Variants in REPS2 observed in about 807,000 individuals in gnomAD.
REPS2 encodes the protein RALBP1 associated Eps domain containing 2.
A neutral mutation model predicts 53.6 loss-of-function variants in REPS2; 23 were observed. The observed-to-expected ratio is 0.43, with a 90% CI of 0.31 to 0.61. REPS2 has a LOEUF of 0.61. Ranked by LOEUF, REPS2 falls within the 20% of genes least tolerant of loss-of-function variation. The probability of loss-of-function intolerance (pLI) is 0.11; values close to 1 mark genes in which losing one functional copy is unlikely to be tolerated. For missense variants in REPS2, 446 were observed against 534.9 expected, an observed-to-expected ratio of 0.83 and a Z score of 1.64; for synonymous variants, 238 against 218.6, an observed-to-expected ratio of 1.09 and a Z score of -0.78.
downstream of REPS2, among the ~76,000 whole-genome samples, chrX:17,155,748 T>C (rs113391507): frequency 0.025 from 2,804 of 112,021 alleles, 92 homozygotes; most frequent in African/African-American, 0.088. Flanking sequence ...TAATTTGTTA[T>C]ATATCTTCTG....
chrX:16,983,491 A>ATTTTG (rs755219921), intron 1 of REPS2, among the ~76,000 whole-genome samples: 221 of 111,703 alleles, frequency 2.0e-3, no homozygotes, highest in Middle Eastern at 0.018. Context: ...CCTTACCTCC[A>ATTTTG]TTTTGTTTTG....
intron 1 of REPS2, among the ~76,000 whole-genome samples, chrX:16,978,333 T>C (rs1232430110): frequency 1.8e-5 from 2 of 111,771 alleles, no homozygotes; most frequent in Admixed American, 9.5e-5. Context: ...TTCCCGGCCA[T>C]CTGGCATGAG....
chrX:17,000,289 C>T (rs1185772630), intron 1 of REPS2, among the ~76,000 whole-genome samples: 1 of 110,881 alleles, frequency 9.0e-6, no homozygotes, highest in Non-Finnish European at 1.9e-5. Context: ...TGGAAGTGTT[C>T]ACTATTTTTT....
At chrX:17,104,142 G>A (rs1042086576) in intron 14 of REPS2, among the ~76,000 whole-genome samples, 1 of 111,542 alleles carries the variant, frequency 9.0e-6, no homozygotes, top group Non-Finnish European at 1.9e-5. Context: ...CTATATTTTC[G>A]TCAGTACTTT....
chrX:17,132,713 C>G (rs1195234242), intron 14 of REPS2, among the ~76,000 whole-genome samples: 1 of 111,217 alleles, frequency 9.0e-6, no homozygotes, highest in Non-Finnish European at 1.9e-5. Flanking sequence ...AGTTTTTGTA[C>G]TTTTAGTAGA....
intron 1 of REPS2, among the ~76,000 whole-genome samples, chrX:17,005,127 A>G (rs953147727): frequency 1.8e-5 from 2 of 111,548 alleles, no homozygotes; most frequent in African/African-American, 6.5e-5. Context: ...GTATATATTC[A>G]CAATAAGGGC....
At chrX:17,139,005 G>T (rs1398265902) in intron 17 of REPS2, 44 bp downstream of exon 17, 1 of 914,027 alleles carries the variant, frequency 1.1e-6, no homozygotes. Flanking sequence ...CTTTTCCCTG[G>T]CTTTTAAAAA....
At chrX:17,061,567 C>G (rs1435778407) in intron 8 of REPS2, among the ~76,000 whole-genome samples, 1 of 112,872 alleles carries the variant, frequency 8.9e-6, no homozygotes, top group Non-Finnish European at 1.9e-5. Context: ...TTAAACCTTG[C>G]ATTACAATTT....
At chrX:17,022,440 CAT>C in intron 3 of REPS2, 169 bp downstream of exon 3, 1 of 390,341 alleles carries the variant, frequency 2.6e-6, no homozygotes, top group Non-Finnish European at 4.4e-6. Flanking sequence ...GAGACCGACA[CAT>C]ATGAATCACC....
At chrX:17,106,002 C>A (rs1211645691) in intron 14 of REPS2, among the ~76,000 whole-genome samples, 2 of 111,868 alleles carry the variant, frequency 1.8e-5, no homozygotes, top group African/African-American at 6.5e-5. Context: ...CTCTACCCCT[C>A]TGGGAGAGTC....
chrX:16,991,952 C>T lies in REPS2; in HGVS notation c.274-14269C>T, dbSNP rs372416151. Among the ~76,000 whole-genome samples, 11 of 111,322 alleles carry T rather than the reference C, an allele frequency of 9.9e-5. No individual in the cohort carries two copies. In the East Asian group the frequency reaches 2.2e-3, roughly 23 times the overall value. ...ACCTTGGTTTTGGACTTCCAGTCTC[C>T]AGAACCATGGGATAATAAATACATT... On this transcript the variant is annotated intron_variant, in intron 1 of 17. Coordinates refer to ENST00000357277, the MANE Select transcript of REPS2 (RefSeq NM_004726.3).
intron 1 of REPS2, among the ~76,000 whole-genome samples, chrX:16,979,040 G>A (rs182455525): frequency 7.5e-4 from 84 of 111,936 alleles, no homozygotes; most frequent in Non-Finnish European, 2.3e-4. Flanking sequence ...GGAAATTTCC[G>A]ATAGGCTTTA....
At chrX:17,098,379 A>G (rs950835886) in intron 13 of REPS2, among the ~76,000 whole-genome samples, 3 of 112,048 alleles carry the variant, frequency 2.7e-5, no homozygotes, top group Non-Finnish European at 5.6e-5. Context: ...ATAATAATCT[A>G]TTTTTTTCAG....
intron 3 of REPS2, among the ~76,000 whole-genome samples, chrX:17,024,651 C>T (rs781084415): frequency 4.1e-4 from 45 of 110,170 alleles, no homozygotes; most frequent in Non-Finnish European, 7.6e-4. Flanking sequence ...TTAATATTCA[C>T]ATTTGCTGGA....
At chrX:17,008,029 T>C (rs1387467797) in intron 2 of REPS2, among the ~76,000 whole-genome samples, 1 of 112,580 alleles carries the variant, frequency 8.9e-6, no homozygotes, top group Non-Finnish European at 1.9e-5. Flanking sequence ...TTATACAATA[T>C]TTTCTGAATG....
chrX:17,016,425 A>T (rs1432476931), intron 2 of REPS2, among the ~76,000 whole-genome samples: 1 of 112,015 alleles, frequency 8.9e-6, no homozygotes, highest in Non-Finnish European at 1.9e-5. Flanking sequence ...TTTATTTTTG[A>T]GACAGAGTCT....
Position 17,109,201 on chromosome X carries a change from G to A in REPS2, c.1578+5422G>A, listed in dbSNP as rs377026298. On this transcript the variant is annotated intron_variant, in intron 14 of 17. Coordinates refer to ENST00000357277, the MANE Select transcript of REPS2 (RefSeq NM_004726.3). ...TTCTGTCTGGGGAGCAGAAACTGAC[G>A]GGAGGACAGGGTTTTAGCCTAGTGG... Among the ~76,000 whole-genome samples, 9 of 110,863 alleles carry A rather than the reference G, an allele frequency of 8.1e-5. No homozygotes were observed. The East Asian group carries it at 2.0e-3, about 24-fold the overall frequency.
the REPS2 span, among the ~76,000 whole-genome samples, chrX:17,171,473 G>A: frequency 1.2e-3 from 129 of 111,548 alleles, no homozygotes; most frequent in Non-Finnish European, 1.7e-3. Context: ...TCCACTTTAG[G>A]TCTTTCAAGA....
At chrX:17,086,854 C>T (rs1255238457) in intron 13 of REPS2, among the ~76,000 whole-genome samples, 1 of 111,999 alleles carries the variant, frequency 8.9e-6, no homozygotes, top group African/African-American at 3.2e-5. Context: ...GTAATGGTGA[C>T]CAGAAAAGTG....
Sources: allele counts gnomAD v4.1 joint callset (sites outside exome capture counted in the v4.1 genomes callset), GRCh38; gene constraint gnomAD v4.1.1; transcripts MANE v1.5; gene names NCBI Gene and HGNC (gene_info 2026-07-23, HGNC 2026-07-21).